Variants in LMO1 observed in about 807,000 individuals in gnomAD.
LMO1 encodes rhombotin-1.
LMO1 carries 10 observed loss-of-function variants against 18.0 expected under a neutral mutation model. That is an observed-to-expected ratio of 0.55 (90% CI 0.34 to 0.94). The LOEUF (loss-of-function observed/expected upper bound fraction) is 0.94. Among genes scored for constraint, LMO1 ranks in the 40% least tolerant of loss-of-function variants. The pLI is 0.02. For missense variants in LMO1, 183 were observed against 205.7 expected (o/e 0.89, Z 0.68); for synonymous variants, 77 against 77.9 (o/e 0.99, Z 0.06).
At chr11:8,252,576 C>A (rs1191780693) in intron 1 of LMO1, among the ~76,000 whole-genome samples, 1 of 152,264 alleles carries the variant, frequency 6.6e-6, no homozygotes, top group African/African-American at 2.4e-5. Context: ...CATAGACAGA[C>A]TTCCTTCTTG....
chr11:8,229,020 T>C (rs1038757834), intron 2 of LMO1, among the ~76,000 whole-genome samples: 2 of 151,942 alleles, frequency 1.3e-5, no homozygotes, highest in African/African-American at 4.8e-5. Context: ...CCTGAGTAGT[T>C]GGGACTACAG....
At chr11:8,266,847 T>G (rs1847266449), upstream of LMO1, among the ~76,000 whole-genome samples, 1 of 151,848 alleles carries the variant, frequency 6.6e-6, no homozygotes, top group African/African-American at 2.4e-5. Flanking sequence ...CAAGACGGAG[T>G]TACAAGCTAG....
At chr11:8,262,036 G>A (rs1487153784) in intron 1 of LMO1, among the ~76,000 whole-genome samples, 1 of 152,020 alleles carries the variant, frequency 6.6e-6, no homozygotes, top group Admixed American at 6.6e-5. Context: ...AGCAGCCTGG[G>A]GGCATCGGCA....
Position 8,230,463 on chromosome 11 carries a change from C to T in LMO1, c.67G>A (p.Gly23Ser). 1 of 1,613,766 alleles carries T rather than the reference C, an allele frequency of 6.2e-7. No individual in the cohort carries two copies. Among genetic ancestry groups the T allele is most frequent in the Non-Finnish European group, 8.5e-7 (1 of 1,179,892 alleles). ...ATCTTGCGGTTACAGCCCGCACAGC[C>T]CTTCTGCTTCCCTTTGGGCTGGACG... is the stretch of plus-strand genomic sequence containing the variant. ...LSVQPKGKQK[G>S]CAGCNRKIKD... Residue 23 changes from glycine (G) to serine (S), a missense_variant, in exon 2 of 4, where the codon GGC (glycine) becomes AGC (serine). By Grantham distance (56) the Gly-to-Ser change is moderately conservative (BLOSUM62 0). Transcript: ENST00000335790.
chr11:8,250,989 G>A (rs1260298202), intron 1 of LMO1, among the ~76,000 whole-genome samples: 1 of 152,140 alleles, frequency 6.6e-6, no homozygotes, highest in East Asian at 1.9e-4. Flanking sequence ...ACCTGGATTC[G>A]AGTGTGACAA....
intron 1 of LMO1, among the ~76,000 whole-genome samples, chr11:8,255,773 A>T (rs1490494843): frequency 6.6e-6 from 1 of 151,608 alleles, no homozygotes; most frequent in Non-Finnish European, 1.5e-5. Flanking sequence ...GTAACTGATT[A>T]CACAGCAATA....
chr11:8,248,207 C>T (rs1846928390), intron 1 of LMO1, among the ~76,000 whole-genome samples: 1 of 152,242 alleles, frequency 6.6e-6, no homozygotes, highest in Non-Finnish European at 1.5e-5. Context: ...CCTCATGCCG[C>T]TGCCGTCAAT....
rs1292250762 is a variant in LMO1, at chr11:8,230,311, C to T, written c.219G>A (p.Leu73=). Residue 73 remains leucine, a synonymous_variant, in exon 2 of 4, where the codon CTG becomes CTA. Transcript: ENST00000335790. The part of the protein sequence containing the change: ...STLYTKANLI[L]CRRDYLRLFG... ...CCCACCTCAGGTAGTCGCGTCGGCA[C>T]AGGATGAGGTTGGCCTTGGTGTAGA... is the stretch of plus-strand genomic sequence containing the variant. 7 of 1,613,728 alleles carry T rather than the reference C, an allele frequency of 4.3e-6. No individual in the cohort carries two copies. In the Admixed American group the frequency reaches 1.2e-4, roughly 27 times the overall value.
Position 8,263,614 on chromosome 11 carries a change from G to A in LMO1, c.-252C>T. ...AACTACGAACTGCAATTTAGAGAGA[G>A]AGGGAGAGGGAGAGAGAAGGGGGAA... On this transcript the variant is annotated 5_prime_UTR_variant, in exon 1 of 4. Coordinates refer to ENST00000335790, the MANE Select transcript of LMO1 (RefSeq NM_002315.3). The A allele has an allele frequency of 7.4e-7, 1 of 1,353,468 alleles. No homozygotes were observed. The highest frequency in any genetic ancestry group is 9.5e-7 in the Non-Finnish European group (1 of 1,056,974). The allele number at this position is 1,353,468 out of a possible 1,614,324, so 83.8% of individuals were successfully genotyped here.
At chr11:8,238,068 C>T (rs411655) in intron 1 of LMO1, among the ~76,000 whole-genome samples, 9,974 of 152,096 alleles carry the variant, frequency 0.066, 836 homozygotes, top group East Asian at 0.35. Flanking sequence ...GGTATATGCC[C>T]AACAGAAATG....
chr11:8,254,670 C>T (rs1290016086), intron 1 of LMO1, among the ~76,000 whole-genome samples: 1 of 151,410 alleles, frequency 6.6e-6, no homozygotes, highest in Non-Finnish European at 1.5e-5. Context: ...CATGGCAGCC[C>T]CACTCAAACT....
chr11:8,230,619 TG>T, intron 1 of LMO1, 115 bp from the exon 2 acceptor site: 1 of 1,122,512 alleles, frequency 8.9e-7, no homozygotes, highest in Non-Finnish European at 1.3e-6. Context: ...CCTCTAGGTT[TG>T]GGGCTCCCAG....
Position 8,224,401 on chromosome 11 carries a change from A to G in LMO1, c.*215T>C, listed in dbSNP as rs1412811957. On this transcript the variant is annotated 3_prime_UTR_variant, in exon 4 of 4. Coordinates refer to ENST00000335790, the MANE Select transcript of LMO1 (RefSeq NM_002315.3). ...ATGTTCCCATTTATATACAGAAGAC[A>G]GACTGTACAGGCCCGGCCTGGCCCC... 2 of 568,788 alleles carry G rather than the reference A, an allele frequency of 3.5e-6. No individual in the cohort carries two copies. Among genetic ancestry groups the G allele is most frequent in the Non-Finnish European group, 6.3e-6 (2 of 318,630 alleles). The allele number at this position is 568,788 out of a possible 1,614,324, so 35.2% of individuals were successfully genotyped here. A position where few individuals can be genotyped will look rare whatever the true frequency, so the allele number is the denominator to read the frequency against.
upstream of LMO1, chr11:8,268,540 G>C (rs1391109865): frequency 9.0e-7 from 1 of 1,105,840 alleles, no homozygotes. Context: ...TGCTCCCGCC[G>C]GCCCCGCGCG....
chr11:8,244,467 T>C (rs1846860811), intron 1 of LMO1, among the ~76,000 whole-genome samples: 1 of 152,256 alleles, frequency 6.6e-6, no homozygotes, highest in African/African-American at 2.4e-5. Flanking sequence ...GCCGAGTGTG[T>C]CTTTTTCAGT....
At chr11:8,239,751 A>G (rs413708) in intron 1 of LMO1, among the ~76,000 whole-genome samples, 120,273 of 152,120 alleles carry the variant, frequency 0.79, 48,057 homozygotes, top group East Asian at 0.93. Flanking sequence ...GAAGTCCAGC[A>G]ATGCTTGTCT....
chr11:8,225,917 G>A (rs1952531209), intron 3 of LMO1, among the ~76,000 whole-genome samples: 1 of 152,244 alleles, frequency 6.6e-6, no homozygotes, highest in Admixed American at 6.5e-5. Flanking sequence ...CCTGCCTTCT[G>A]GTGCTAGGCC....
At chr11:8,268,438 T>C, upstream of LMO1, 1 of 1,467,394 alleles carries the variant, frequency 6.8e-7, no homozygotes, top group Non-Finnish European at 9.0e-7. Context: ...GTCCTCCTGG[T>C]CCAACACCAT....
chr11:8,227,006 C>T lies in LMO1; in HGVS notation c.334G>A (p.Asp112Asn), dbSNP rs757437334. 1 of 1,613,448 alleles carries T rather than the reference C, an allele frequency of 6.2e-7. No homozygotes were observed. Among genetic ancestry groups the T allele is most frequent in the Non-Finnish European group, 8.5e-7 (1 of 1,179,712 alleles). The stretch of plus-strand genomic sequence containing the variant: ...TTGCAGAGCTGGCAGGCGAAGCAGT[C>T]GAGGTGATACACGTTGTCCCGGGCC... ...MRARDNVYHL[D>N]CFACQLCNQR... The change falls in exon 3 of 4, where the codon GAC (aspartate) becomes AAC (asparagine). Residue 112 changes from aspartate to asparagine, a missense_variant. Asp to Asn is a conservative substitution (Grantham distance 23, BLOSUM62 1). Coordinates refer to ENST00000335790, the MANE Select transcript of LMO1 (RefSeq NM_002315.3).
Sources: gnomAD v4.1 joint callset for allele counts (sites outside exome capture counted in the v4.1 genomes callset) on GRCh38, gnomAD v4.1.1 for gene constraint, MANE v1.5 for transcripts, NCBI Gene and HGNC (gene_info 2026-07-23, HGNC 2026-07-21) for gene names.